The following SATL1 variants were observed in gnomAD, a reference collection of about 807,000 sequenced individuals.
SATL1 encodes the protein spermidine/spermine N(1)-acetyltransferase-like protein 1.
Under a neutral mutation model 51.8 loss-of-function variants are expected in SATL1, and 47 were observed. The observed-to-expected ratio is 0.91, with a 90% CI of 0.72 to 1.16. The LOEUF is 1.16. SATL1 is among the 50% of genes most tolerant of loss of function. SATL1 has a pLI of 0.00. For missense variants in SATL1, 520 were observed against 526.4 expected, an observed-to-expected ratio of 0.99 and a Z score of 0.12; for synonymous variants, 176 against 182.4, an observed-to-expected ratio of 0.97 and a Z score of 0.28.
At chrX:85,187,632 G>A (rs1480740751) in intron 2 of SATL1, among the ~76,000 whole-genome samples, 3 of 111,486 alleles carry the variant, frequency 2.7e-5, no homozygotes, top group East Asian at 2.8e-4. Flanking sequence ...ATTGATTTCC[G>A]TATCTTGAAC....
At chrX:85,199,576 A>G (rs750653874) in intron 2 of SATL1, among the ~76,000 whole-genome samples, 10 of 112,270 alleles carry the variant, frequency 8.9e-5, no homozygotes, top group Non-Finnish European at 1.5e-4. Flanking sequence ...CCTATACACA[A>G]TGAAGTACGA....
intron 1 of SATL1, among the ~76,000 whole-genome samples, chrX:85,241,237 T>C (rs1178186428): frequency 2.7e-5 from 3 of 110,778 alleles, no homozygotes; most frequent in African/African-American, 9.9e-5. Flanking sequence ...TGGGTACACA[T>C]GGACATAAAG....
intron 2 of SATL1, among the ~76,000 whole-genome samples, chrX:85,112,196 C>CA (rs1374116972): frequency 1.8e-5 from 2 of 110,232 alleles, no homozygotes; most frequent in Admixed American, 9.7e-5. Context: ...ATTAAAAATA[C>CA]AAAAAATTAG....
intron 2 of SATL1, among the ~76,000 whole-genome samples, chrX:85,195,699 C>A (rs1194095392): frequency 9.1e-6 from 1 of 109,735 alleles, no homozygotes; most frequent in Non-Finnish European, 1.9e-5. Context: ...GTAATCCCAG[C>A]TACTTGGGAG....
At chrX:85,147,075 G>A (rs1469197320) in intron 2 of SATL1, among the ~76,000 whole-genome samples, 7 of 113,159 alleles carry the variant, frequency 6.2e-5, no homozygotes, top group Non-Finnish European at 1.3e-4. Flanking sequence ...GTCAAAGAAA[G>A]GGGTGATGGA....
chrX:85,181,245 T>C (rs1184307645), intron 2 of SATL1, among the ~76,000 whole-genome samples: 1 of 107,360 alleles, frequency 9.3e-6, no homozygotes, highest in African/African-American at 3.4e-5. Flanking sequence ...GAACCAAATA[T>C]TGAGAAAAAT....
intron 2 of SATL1, among the ~76,000 whole-genome samples, chrX:85,112,412 C>A (rs1358372211): frequency 9.0e-6 from 1 of 111,108 alleles, no homozygotes; most frequent in Non-Finnish European, 1.9e-5. Flanking sequence ...GAGCGCCAAG[C>A]AGGTGACTTG....
At chrX:85,214,289 G>A (rs1047905083) in intron 2 of SATL1, among the ~76,000 whole-genome samples, 3 of 111,353 alleles carry the variant, frequency 2.7e-5, no homozygotes, top group Non-Finnish European at 3.8e-5. Context: ...CAGAGATCAC[G>A]TAGCAAGAGA....
At chrX:85,115,380 A>C (rs1470894519) in intron 2 of SATL1, among the ~76,000 whole-genome samples, 1 of 112,836 alleles carries the variant, frequency 8.9e-6, no homozygotes, top group Non-Finnish European at 1.9e-5. Flanking sequence ...GTGGCATAAC[A>C]GGAATGAAAA....
chrX:85,100,570 AAAC>A (rs1199175154), intron 4 of SATL1, among the ~76,000 whole-genome samples: 1 of 112,092 alleles, frequency 8.9e-6, no homozygotes, highest in Non-Finnish European at 1.9e-5. Flanking sequence ...TAAAAAAGAA[AAAC>A]AACAACAACC....
At chrX:85,094,332 A>G in intron 5 of SATL1, 103 bp from the exon 6 acceptor site, 1 of 479,131 alleles carries the variant, frequency 2.1e-6, no homozygotes, top group East Asian at 3.5e-5. Flanking sequence ...TATTAAAGTA[A>G]TAAATGCTCA....
In SATL1 at chrX:85,237,553, A is replaced by G. The variant is rs1285734922; in HGVS notation, c.-435+6035T>C. Reference sequence around the variant, plus strand: ...TAGATCCCTATTCCTCACCATATACAAAAAGCAAATCCAAATAGATTAACT... The same window carrying G: ...TAGATCCCTATTCCTCACCATATACGAAAAGCAAATCCAAATAGATTAACT... On this transcript the variant is annotated intron_variant, in intron 1 of 7. Coordinates refer to ENST00000644105, the MANE Select transcript of SATL1 (RefSeq NM_001367857.2). 2.7e-5 allele frequency among the ~76,000 whole-genome samples: 3 copies of G among 111,726 alleles called. No homozygotes were observed. In the Admixed American group the frequency reaches 2.8e-4, roughly 11 times the overall value.
At chrX:85,228,613 A>T (rs773942127) in intron 1 of SATL1, among the ~76,000 whole-genome samples, 2 of 111,254 alleles carry the variant, frequency 1.8e-5, no homozygotes, top group African/African-American at 6.5e-5. Context: ...AAGGTCACCA[A>T]TGACCTCAAT....
intron 2 of SATL1, among the ~76,000 whole-genome samples, chrX:85,112,448 T>C: frequency 1.8e-5 from 2 of 111,337 alleles, no homozygotes; most frequent in South Asian, 7.7e-4. Context: ...GGTTTGACCT[T>C]TGACTTAGGT....
intron 2 of SATL1, among the ~76,000 whole-genome samples, chrX:85,191,663 C>A (rs778271098): frequency 1.8e-5 from 2 of 111,241 alleles, no homozygotes; most frequent in Non-Finnish European, 3.8e-5. Context: ...GTAAACTAAG[C>A]TAGAGAAAAA....
intron 2 of SATL1, among the ~76,000 whole-genome samples, chrX:85,158,619 AT>A (rs1926647149): frequency 8.9e-6 from 1 of 112,008 alleles, no homozygotes; most frequent in South Asian, 3.7e-4. Flanking sequence ...AACAACAATT[AT>A]ATTGGGGGAA....
chrX:85,151,922 T>G (rs1926451542), intron 2 of SATL1, among the ~76,000 whole-genome samples: 1 of 110,900 alleles, frequency 9.0e-6, no homozygotes, highest in Non-Finnish European at 1.9e-5. Context: ...ACTTCAAGTA[T>G]AAAACACCAA....
intron 2 of SATL1, among the ~76,000 whole-genome samples, chrX:85,167,385 C>T (rs192918410): frequency 9.2e-6 from 1 of 108,400 alleles, no homozygotes; most frequent in African/African-American, 3.4e-5. Flanking sequence ...ACTTGTTCCC[C>T]CAAAACTATT....
In SATL1 at chrX:85,108,471, T is replaced by C. The variant is rs1275342426; in HGVS notation, c.498A>G (p.Ile166Met). The part of the protein sequence containing the change: ...VGTSQLGTSQ[I>M]GMSQPGTWQT... ...GCCATGTGCCTGGTTGGCTCATGCC[T>C]ATTTGGCTTGTGCCTAATTGGCTGG... Residue 166 changes from isoleucine (I) to methionine (M), a missense_variant, in exon 3 of 8, where the codon ATA becomes ATG. Transcript: ENST00000644105. 1 of 1,212,195 alleles carries C rather than the reference T, an allele frequency of 8.2e-7. No homozygotes were observed. The highest frequency in any genetic ancestry group is 3.0e-5 in the East Asian group (1 of 33,834).
Sources: allele counts gnomAD v4.1 joint callset (sites outside exome capture counted in the v4.1 genomes callset), GRCh38; gene constraint gnomAD v4.1.1; transcripts MANE v1.5; gene names NCBI Gene and HGNC (gene_info 2026-07-23, HGNC 2026-07-21).